Variants in PCSK6 observed in about 807,000 individuals in gnomAD.
PCSK6 encodes proprotein convertase subtilisin/kexin type 6, also known as paired basic amino acid cleaving enzyme 4.
A neutral mutation model predicts 123.3 loss-of-function variants in PCSK6; 85 were observed. That is an observed-to-expected ratio of 0.69 (90% CI 0.58 to 0.83). The LOEUF (loss-of-function observed/expected upper bound fraction) is 0.83. Ranked by LOEUF, PCSK6 falls within the 40% of genes least tolerant of loss-of-function variation. The pLI is 0.00. For missense variants in PCSK6, 1,191 were observed against 1,282.3 expected, an observed-to-expected ratio of 0.93 and a Z score of 1.09; for synonymous variants, 508 against 516.0, an observed-to-expected ratio of 0.98 and a Z score of 0.21.
chr15:101,418,520 A>AATTTT (rs1305478277), intron 6 of PCSK6, among the ~76,000 whole-genome samples: 1 of 136,574 alleles, frequency 7.3e-6, no homozygotes, highest in African/African-American at 2.7e-5. Flanking sequence ...CCAATTTAGG[A>AATTTT]TTTTTTTTTT....
rs545598886 is a variant in PCSK6 at position 101,484,427 on chromosome 15, G to A, written c.297+4947C>T. Reference sequence around the variant, plus strand: ...GAGACAGAGTTTCACTCTACTCGTCGGCCAGACTGGAGTGCAGTCCTGTTC... The same window carrying A: ...GAGACAGAGTTTCACTCTACTCGTCAGCCAGACTGGAGTGCAGTCCTGTTC... On this transcript the variant is annotated intron_variant, in intron 1 of 21. Transcript: ENST00000611716. Among the ~76,000 whole-genome samples the A allele has an allele frequency of 3.3e-5, 5 of 151,784 alleles. No individual in the cohort carries two copies. In the South Asian group the frequency reaches 6.2e-4, roughly 19 times the overall value.
chr15:101,426,524 T>A (rs1045291610), intron 6 of PCSK6, among the ~76,000 whole-genome samples: 40 of 152,226 alleles, frequency 2.6e-4, no homozygotes, highest in African/African-American at 8.2e-4. Flanking sequence ...GTCTCCTGAT[T>A]TGTTCTGCAG....
chr15:101,469,909 C>T (rs1176986940), intron 1 of PCSK6, among the ~76,000 whole-genome samples: 6 of 152,330 alleles, frequency 3.9e-5, no homozygotes, highest in East Asian at 1.9e-4. Flanking sequence ...CAAGGCCTGA[C>T]GCTGGAAGGA....
chr15:101,305,272 G>A lies in PCSK6; in HGVS notation c.2896C>T (p.Leu966Phe), dbSNP rs756692037. The A allele has an allele frequency of 3.1e-6, 5 of 1,611,398 alleles. No individual in the cohort carries two copies. The South Asian group carries it at 4.4e-5, about 14-fold the overall frequency. The change falls in exon 22 of 22, where the codon CTC becomes TTC. Residue 966 changes from leucine to phenylalanine, a missense_variant. Transcript: ENST00000611716. The surrounding 1 kb of genome is among the most constrained non-coding windows in gnomAD (Gnocchi z 4.8). ...LFIQFCCRTC[L>F]LAG The stretch of plus-strand genomic sequence containing the variant: ...GCTAGGCACCCTTACCCGGCCAGGA[G>A]GCACGTGCGGCAGCAGAACTGAATG...
chr15:101,400,975 A>G (rs2141583597), intron 6 of PCSK6, among the ~76,000 whole-genome samples: 1 of 152,360 alleles, frequency 6.6e-6, no homozygotes, highest in Middle Eastern at 3.4e-3. Flanking sequence ...AGAGAATACA[A>G]GAGTCACCAA....
Position 101,348,020 on chromosome 15 carries a change from G to A in PCSK6, c.1859-15989C>T, listed in dbSNP as rs554171487. On this transcript the variant is annotated intron_variant, in intron 13 of 21. Transcript: ENST00000611716. ...CAGACAGGAAGGGCATACACTTTAT[G>A]TCCTGTCTTTCCTTGGGTAAACCTT... Among the ~76,000 whole-genome samples, 3 of 152,322 alleles carry A rather than the reference G, an allele frequency of 2.0e-5. No individual in the cohort carries two copies. The East Asian group carries it at 5.8e-4, about 29-fold the overall frequency.
intron 11 of PCSK6, 99 bp downstream of exon 11, chr15:101,381,993 G>C: frequency 1.3e-6 from 1 of 742,690 alleles, no homozygotes. Context: ...CATGTGCACA[G>C]AATGCATGTG....
At position 101,370,432 on chromosome 15, in the gene PCSK6, C is replaced by T. The variant is rs1226348444; in HGVS notation, c.1624G>A (p.Val542Met). 3.2e-6 allele frequency: 5 copies of T among 1,552,114 alleles called. No individual in the cohort carries two copies. Among genetic ancestry groups the T allele is most frequent in the East Asian group, 2.4e-5 (1 of 40,932 alleles). The change falls in exon 12 of 22, where the codon GTG becomes ATG. Residue 542 changes from valine to methionine, a missense_variant. By Grantham distance (21) the Val-to-Met change is conservative. Transcript: ENST00000611716. Reference sequence around the variant, plus strand: ...TGTGAGATGGAGGTGCGAACCACCACGTGCTCCAAGTAGACCACCCGCTGG... The same window carrying T: ...TGTGAGATGGAGGTGCGAACCACCATGTGCTCCAAGTAGACCACCCGCTGG... ...SDQRVVYLEH[V>M]VVRTSISHPR...
chr15:101,314,817 G>A (rs1423128308), intron 19 of PCSK6, among the ~76,000 whole-genome samples: 1 of 152,250 alleles, frequency 6.6e-6, no homozygotes, highest in Non-Finnish European at 1.5e-5. Flanking sequence ...TCTTCCTGAG[G>A]TGCGGTGGAA....
chr15:101,412,693 A>T (rs952148503), intron 6 of PCSK6, among the ~76,000 whole-genome samples: 1 of 130,132 alleles, frequency 7.7e-6, no homozygotes, highest in South Asian at 2.3e-4. Flanking sequence ...CTGGAAAATT[A>T]TATATATATA....
chr15:101,430,198 C>T (rs141066906), intron 4 of PCSK6, 135 bp from the exon 5 acceptor site: 13 of 678,424 alleles, frequency 1.9e-5, no homozygotes, highest in African/African-American at 1.6e-4. Context: ...ATCTCATATA[C>T]GTTTTTATCG....
In PCSK6 at chr15:101,394,150, T is replaced by TG. The variant is rs200396543; in HGVS notation, c.997-727_997-726insC. Among the ~76,000 whole-genome samples the TG allele has an allele frequency of 1.5e-3, 228 of 150,796 alleles. 1 individual carries two copies. The highest frequency in any genetic ancestry group is 5.3e-3 in the African/African-American group (217 of 41,050). On this transcript the variant is annotated intron_variant, in intron 7 of 21. Coordinates refer to ENST00000611716, the MANE Select transcript of PCSK6 (RefSeq NM_002570.5). ...TTCCGTTTTTTTGTTTTTTGTTTTT[T>TG]TTTTTTTGAGACAGGGGTCTTGCTA... is the stretch of plus-strand genomic sequence containing the variant.
At chr15:101,320,060 CG>C (rs1567139970) in intron 18 of PCSK6, among the ~76,000 whole-genome samples, 3 of 151,942 alleles carry the variant, frequency 2.0e-5, no homozygotes, top group Non-Finnish European at 4.4e-5. Context: ...CATCTAGTAG[CG>C]TCAGAATTGA....
chr15:101,335,364 T>C (rs1375232977), intron 13 of PCSK6, among the ~76,000 whole-genome samples: 2 of 151,798 alleles, frequency 1.3e-5, no homozygotes, highest in African/African-American at 4.9e-5. Flanking sequence ...AGTGGTTGTA[T>C]GGTCAAAAAA....
intron 3 of PCSK6, 24 bp downstream of exon 3, chr15:101,431,966 A>T: frequency 6.5e-7 from 1 of 1,537,482 alleles, no homozygotes; most frequent in Non-Finnish European, 9.0e-7. Flanking sequence ...GTCCTGGGGC[A>T]GACAGAGGTC....
chr15:101,363,884 C>T lies in PCSK6; in HGVS notation c.1858+2312G>A, dbSNP rs1003112057. ...CGATCTCCTGACTTCGTGATCCACC[C>T]GCCTCGGCCTCCCAAAGTGCTGGGA... is the stretch of plus-strand genomic sequence containing the variant. On this transcript the variant is annotated intron_variant, in intron 13 of 21. Transcript: ENST00000611716. Among the ~76,000 whole-genome samples, 6 of 152,068 alleles carry T rather than the reference C, an allele frequency of 3.9e-5. No individual in the cohort carries two copies. The East Asian group carries it at 5.8e-4, about 15-fold the overall frequency.
chr15:101,422,035 G>C (rs2056099647), intron 6 of PCSK6, among the ~76,000 whole-genome samples: 1 of 152,146 alleles, frequency 6.6e-6, no homozygotes, highest in Non-Finnish European at 1.5e-5. Flanking sequence ...AGGTAGGCAG[G>C]GGGTTCAATT....
In PCSK6 at chr15:101,349,335, G is replaced by A. The variant is rs541377813; in HGVS notation, c.1858+16861C>T. 2.4e-3 allele frequency among the ~76,000 whole-genome samples: 361 copies of A among 152,338 alleles called. 3 individuals are homozygous for A. The highest frequency in any genetic ancestry group is 8.3e-3 in the African/African-American group (346 of 41,576). ...AGAAGAAGAAAGGAAGAATAGAAAT[G>A]TACCTGCTGAGTTCAAAAGTCAGAA... On this transcript the variant is annotated intron_variant, in intron 13 of 21. Transcript: ENST00000611716.
At chr15:101,450,309 C>A (rs2057001006) in intron 1 of PCSK6, among the ~76,000 whole-genome samples, 1 of 152,152 alleles carries the variant, frequency 6.6e-6, no homozygotes. Context: ...TGGCCCTGCC[C>A]ACACTGCCCT....
Sources: allele counts gnomAD v4.1 joint callset (sites outside exome capture counted in the v4.1 genomes callset), GRCh38; gene constraint gnomAD v4.1.1; non-coding constraint Gnocchi (gnomAD v3.1); transcripts MANE v1.5; gene names NCBI Gene and HGNC (gene_info 2026-07-23, HGNC 2026-07-21).